DNMT3A: variants seen among roughly 807,000 people sequenced by gnomAD.
The protein encoded by DNMT3A is DNA methyltransferase 3 alpha.
DNMT3A carries 267 observed loss-of-function variants against 117.6 expected under a neutral mutation model. The observed-to-expected ratio is 2.27, with a 90% CI of 2.05 to 2.51. The LOEUF is 2.51. Among genes scored for constraint, DNMT3A ranks in the 30% most tolerant of loss-of-function variants. DNMT3A has a pLI of 0.00. For missense variants in DNMT3A, 1,029 were observed against 1,260.2 expected (o/e 0.82, Z 2.78); for synonymous variants, 432 against 474.8 (o/e 0.91, Z 1.17).
At chr2:25,258,587 C>G (rs1005014725) in intron 6 of DNMT3A, among the ~76,000 whole-genome samples, 1 of 152,190 alleles carries the variant, frequency 6.6e-6, no homozygotes, top group Admixed American at 6.5e-5. Context: ...CAAGACCCAC[C>G]ACACATGAAA....
chr2:25,274,187 C>A (rs1429407708), intron 6 of DNMT3A, among the ~76,000 whole-genome samples: 2 of 152,196 alleles, frequency 1.3e-5, no homozygotes, highest in African/African-American at 4.8e-5. Context: ...TCAGGCCAGA[C>A]CCCTGTGAGT....
chr2:25,261,581 TG>T (rs1676616353), intron 6 of DNMT3A, among the ~76,000 whole-genome samples: 1 of 146,090 alleles, frequency 6.8e-6, no homozygotes, highest in South Asian at 2.2e-4. Flanking sequence ...CACTCCAGCC[TG>T]GGTGACAGAG....
At chr2:25,309,396 G>A (rs1024047550) in intron 2 of DNMT3A, among the ~76,000 whole-genome samples, 2 of 152,244 alleles carry the variant, frequency 1.3e-5, no homozygotes, top group African/African-American at 4.8e-5. Flanking sequence ...CCTCCATCTG[G>A]TGTGTGTGCC....
chr2:25,282,038 G>C lies in DNMT3A; in HGVS notation c.448+403C>G, dbSNP rs750632392. 39 of 1,158,462 alleles carry C rather than the reference G, an allele frequency of 3.4e-5. No homozygotes were observed. Among genetic ancestry groups the C allele is most frequent in the East Asian group, 4.5e-5 (1 of 22,202 alleles). 71.8% of individuals were successfully genotyped at this position (1,158,462 alleles called of 1,614,324 possible). On this transcript the variant is annotated intron_variant, in intron 4 of 22. Transcript: ENST00000321117. This position sits in a 1 kb window ranked among gnomAD's most constrained non-coding sequence, Gnocchi z 5.2. ...GGCACGTGGGAGAGTAAGCAGGCCA[G>C]GTAGAGCTGCAGAAAACTAAGGCCC...
At position 25,232,884 on chromosome 2, in the gene DNMT3A, A is replaced by G. The variant is rs1573288132; in HGVS notation, c.*1395T>C. 8.7e-6 allele frequency: 2 copies of G among 228,774 alleles called. No homozygotes were observed. Among genetic ancestry groups the G allele is most frequent in the African/African-American group, 4.4e-5 (2 of 45,162 alleles). The allele number at this position is 228,774 out of a possible 1,614,324, so 14.2% of individuals were successfully genotyped here. A position where few individuals can be genotyped will look rare whatever the true frequency, so the allele number is the denominator to read the frequency against. The stretch of plus-strand genomic sequence containing the variant: ...GAGATGACCAAAAACATCACATTCC[A>G]GGGGCCGGGAGCCGCCTTGTGCACA... On this transcript the variant is annotated 3_prime_UTR_variant, in exon 23 of 23. Transcript: ENST00000321117. This position sits in a 1 kb window ranked among gnomAD's most constrained non-coding sequence, Gnocchi z 4.1.
At chr2:25,249,868 T>G (rs1675299349) in intron 6 of DNMT3A, 1 of 909,226 alleles carries the variant, frequency 1.1e-6, no homozygotes, top group African/African-American at 1.7e-5. Flanking sequence ...CCCCATTTTC[T>G]ACATGCCTTT....
At position 25,244,187 on chromosome 2, in the gene DNMT3A, T is replaced by A; in HGVS notation, c.1819A>T (p.Met607Leu). Residue 607 changes from methionine (M) to leucine (L), a missense_variant, in exon 15 of 23, where the codon ATG (methionine) becomes TTG (leucine). Coordinates refer to ENST00000321117, the MANE Select transcript of DNMT3A (RefSeq NM_022552.5). ...TGGTCGTGGTTATTAGCGAAGAACATCTGGAGCCGGGAGGGCCAGTCCTCT... is the reference window on the plus strand; with the variant it reads ...TGGTCGTGGTTATTAGCGAAGAACAACTGGAGCCGGGAGGGCCAGTCCTCT... ...RREDWPSRLQ[M>L]FFANNHDQEF... 6.2e-7 allele frequency: 1 copy of A among 1,613,848 alleles called. No homozygotes were observed. Among genetic ancestry groups the A allele is most frequent in the Non-Finnish European group, 8.5e-7 (1 of 1,180,010 alleles).
intron 6 of DNMT3A, chr2:25,249,515 C>A: frequency 1.0e-6 from 1 of 966,372 alleles, no homozygotes; most frequent in Non-Finnish European, 1.6e-6. Context: ...TATGTGCACC[C>A]TTCAGATCCA....
At chr2:25,319,036 A>T (rs2034492219) in intron 1 of DNMT3A, among the ~76,000 whole-genome samples, 2 of 127,454 alleles carry the variant, frequency 1.6e-5, no homozygotes, top group Non-Finnish European at 1.6e-5. Context: ...TTTTTTTGAG[A>T]CGGAGTCTTG....
intron 4 of DNMT3A, among the ~76,000 whole-genome samples, chr2:25,279,777 C>T (rs1323368897): frequency 3.3e-5 from 5 of 152,018 alleles, no homozygotes; most frequent in African/African-American, 1.2e-4. Flanking sequence ...ACCTCCACCT[C>T]CCGGGTTTAA....
At chr2:25,334,938 G>C (rs2035151699) in intron 1 of DNMT3A, among the ~76,000 whole-genome samples, 1 of 152,054 alleles carries the variant, frequency 6.6e-6, no homozygotes, top group Non-Finnish European at 1.5e-5. Context: ...TATTTTTGTT[G>C]TTGTCATTAA....
Position 25,308,787 on chromosome 2 carries a change from G to A in DNMT3A, c.72+5126C>T, listed in dbSNP as rs557986102. On this transcript the variant is annotated intron_variant, in intron 2 of 22. Transcript: ENST00000321117. Reference sequence around the variant, plus strand: ...TGCCCAGGAGCAGGTGACAGACCGCGGGCAGCAAGAATGACTGCCACTGGA... The same window carrying A: ...TGCCCAGGAGCAGGTGACAGACCGCAGGCAGCAAGAATGACTGCCACTGGA... Among the ~76,000 whole-genome samples, 33 of 152,260 alleles carry A rather than the reference G, an allele frequency of 2.2e-4. No homozygotes were observed. In the South Asian group the frequency reaches 5.2e-3, roughly 24 times the overall value.
rs1252070916 is a variant in DNMT3A at position 25,239,134 on chromosome 2, T to A, written c.2404A>T (p.Asn802Tyr). 6.2e-7 allele frequency: 1 copy of A among 1,613,918 alleles called. No individual in the cohort carries two copies. Among genetic ancestry groups the A allele is most frequent in the African/African-American group, 1.3e-5 (1 of 75,036 alleles). ...RYFWGNLPGMNRPLASTVNDK... is the reference protein window; with the variant it reads ...RYFWGNLPGMYRPLASTVNDK... ...GGCCCAGGAGCTTTCACCAACCTGTTCATACCGGGAAGGTTACCCCAGAAG... is the reference window on the plus strand; with the variant it reads ...GGCCCAGGAGCTTTCACCAACCTGTACATACCGGGAAGGTTACCCCAGAAG... The change falls in exon 20 of 23, where the codon AAC becomes TAC. Residue 802 changes from asparagine (N) to tyrosine (Y), a missense_variant. By Grantham distance (143) the Asn-to-Tyr change is moderately radical (BLOSUM62 -2). Coordinates refer to ENST00000321117, the MANE Select transcript of DNMT3A (RefSeq NM_022552.5).
At chr2:25,290,169 G>A (rs2032639924) in intron 3 of DNMT3A, among the ~76,000 whole-genome samples, 1 of 151,956 alleles carries the variant, frequency 6.6e-6, no homozygotes, top group Non-Finnish European at 1.5e-5. Context: ...TTTTTTTTGA[G>A]ACAAGGTCTC....
intron 16 of DNMT3A, 135 bp from the exon 17 acceptor site, chr2:25,241,842 C>T (rs561149827): frequency 2.6e-6 from 3 of 1,152,044 alleles, no homozygotes; most frequent in South Asian, 1.5e-5. Flanking sequence ...CCTGAAGATG[C>T]CTTAAATCCT....
At chr2:25,309,020 CATAAGTGCTGTGTTTCCCCAGCACAAAG>C (rs1216198638) in intron 2 of DNMT3A, among the ~76,000 whole-genome samples, 1 of 151,542 alleles carries the variant, frequency 6.6e-6, no homozygotes. Flanking sequence ...TGTGCAAACA[CATAAGTGCTGTGTTTCCCCAGCACAAAG>C]ATGCACCCCA....
intron 1 of DNMT3A, among the ~76,000 whole-genome samples, chr2:25,326,108 A>ATGTGTG (rs61521265): frequency 0.048 from 6,870 of 142,236 alleles, 184 homozygotes; most frequent in South Asian, 0.079. Context: ...CTTGATATAT[A>ATGTGTG]TGTGTGTGTG....
chr2:25,249,568 T>A (rs947842489), intron 6 of DNMT3A: 1 of 1,440,380 alleles, frequency 6.9e-7, no homozygotes, highest in Non-Finnish European at 9.8e-7. Flanking sequence ...GCAGGCACTA[T>A]AGACCAGGCG....
chr2:25,297,507 G>GTTT (rs1184125497), intron 3 of DNMT3A, among the ~76,000 whole-genome samples: 31 of 123,430 alleles, frequency 2.5e-4, no homozygotes, highest in Non-Finnish European at 3.8e-4. Context: ...GCTCTGCATT[G>GTTT]TTTTTTTTTT....
Sources: gnomAD v4.1 joint callset for allele counts (sites outside exome capture counted in the v4.1 genomes callset) on GRCh38, gnomAD v4.1.1 for gene constraint, Gnocchi (gnomAD v3.1) non-coding constraint, MANE v1.5 for transcripts, NCBI Gene and HGNC (gene_info 2026-07-23, HGNC 2026-07-21) for gene names.